TMPRSS2: variants seen among roughly 807,000 people sequenced by gnomAD.
The protein encoded by TMPRSS2 is transmembrane protease serine 2.
A neutral mutation model predicts 67.4 loss-of-function variants in TMPRSS2; 59 were observed. The ratio of observed to expected loss-of-function variants is 0.88; its 90% CI spans 0.71 to 1.09. TMPRSS2 has a LOEUF of 1.09. Ranked by LOEUF, TMPRSS2 falls within the 50% of genes least tolerant of loss-of-function variation. TMPRSS2 has a pLI of 0.00. For missense variants in TMPRSS2, 668 were observed against 642.7 expected, an observed-to-expected ratio of 1.04 and a Z score of -0.43; for synonymous variants, 257 against 257.0, an observed-to-expected ratio of 1.00 and a Z score of 0.00.
intron 7 of TMPRSS2, 91 bp downstream of exon 7, chr21:41,479,081 C>G: frequency 9.8e-7 from 1 of 1,019,512 alleles, no homozygotes; most frequent in South Asian, 1.3e-5. Flanking sequence ...AGTATTGCAG[C>G]TCAGAGAAAT....
intron 13 of TMPRSS2, among the ~76,000 whole-genome samples, chr21:41,467,242 A>G (rs1360991182): frequency 6.6e-6 from 1 of 152,168 alleles, no homozygotes; most frequent in Non-Finnish European, 1.5e-5. Flanking sequence ...TACAAAAAGT[A>G]GCTGGGCGTG....
At chr21:41,505,418 A>G (rs2091451100) in intron 1 of TMPRSS2, among the ~76,000 whole-genome samples, 1 of 152,160 alleles carries the variant, frequency 6.6e-6, no homozygotes, top group Non-Finnish European at 1.5e-5. Flanking sequence ...GGGGGACAAC[A>G]CACTCGGATG....
intron 8 of TMPRSS2, 117 bp from the exon 9 acceptor site, chr21:41,473,613 G>T (rs2091155415): frequency 2.5e-6 from 3 of 1,180,360 alleles, no homozygotes; most frequent in Middle Eastern, 2.9e-4. Context: ...GGGCACCACT[G>T]CTGGGGATGG....
chr21:41,500,773 C>A (rs966383385), intron 1 of TMPRSS2, among the ~76,000 whole-genome samples: 5 of 152,200 alleles, frequency 3.3e-5, no homozygotes, highest in African/African-American at 4.8e-5. Flanking sequence ...GTATCAAAAA[C>A]GTTTAAGCCT....
intron 5 of TMPRSS2, among the ~76,000 whole-genome samples, chr21:41,483,468 G>A (rs907885719): frequency 6.6e-6 from 1 of 152,010 alleles, no homozygotes; most frequent in African/African-American, 2.4e-5. Flanking sequence ...TTTTAGTAGA[G>A]ACGGGGTTTC....
Position 41,488,408 on chromosome 21 carries a change from T to C in TMPRSS2, c.431A>G (p.Asp144Gly), listed in dbSNP as rs757874755. 1 of 1,612,754 alleles carries C rather than the reference T, an allele frequency of 6.2e-7. No individual in the cohort carries two copies. The highest frequency in any genetic ancestry group is 8.5e-7 in the Non-Finnish European group (1 of 1,179,338). The change falls in exon 5 of 14, where the codon GAC becomes GGC. Residue 144 changes from aspartate (D) to glycine (G), a missense_variant. Physicochemically the swap from Asp to Gly is moderately conservative, Grantham distance 94. Coordinates refer to ENST00000332149, the MANE Select transcript of TMPRSS2 (RefSeq NM_005656.4). ...DGVSHCPGGE[D>G]ENRCVRLYGP... ...GGCTGACTCACCACACCGATTCTCGTCCTCCCCGCCGGGGCAGTGTGACAC... is the reference window on the plus strand; with the variant it reads ...GGCTGACTCACCACACCGATTCTCGCCCTCCCCGCCGGGGCAGTGTGACAC...
At chr21:41,489,938 A>G (rs1477343561) in intron 3 of TMPRSS2, among the ~76,000 whole-genome samples, 1 of 152,144 alleles carries the variant, frequency 6.6e-6, no homozygotes, top group Non-Finnish European at 1.5e-5. Flanking sequence ...ACTTGAGGTC[A>G]AGAGTTCAAG....
At chr21:41,503,047 A>C (rs1189055371) in intron 1 of TMPRSS2, among the ~76,000 whole-genome samples, 1 of 152,238 alleles carries the variant, frequency 6.6e-6, no homozygotes, top group African/African-American at 2.4e-5. Context: ...CAATATAAAA[A>C]TCTATGTGTT....
intron 8 of TMPRSS2, 54 bp downstream of exon 8, chr21:41,476,523 T>C (rs2091214568): frequency 2.6e-6 from 4 of 1,562,152 alleles, no homozygotes; most frequent in Non-Finnish European, 3.5e-6. Context: ...GTTCTGAAAG[T>C]AGAGAGCTTT....
chr21:41,473,280 G>A lies in TMPRSS2; in HGVS notation c.899+45C>T, dbSNP rs75168613. The A allele has an allele frequency of 8.0e-3, 12,169 of 1,529,326 alleles. 481 individuals are homozygous for A. The African/African-American group carries it at 0.11, about 14-fold the overall frequency. 94.7% of individuals were successfully genotyped at this position (1,529,326 alleles called of 1,614,324 possible). A position where few individuals can be genotyped will look rare whatever the true frequency, so the allele number is the denominator to read the frequency against. ...TGCTCAAGGTCACAGGGTGGCTGTA[G>A]GCCAGCCCTGAGCCCCCACCCGGCC... On this transcript the variant is annotated intron_variant, in intron 9 of 13. Transcript: ENST00000332149.
rs758568003 is a variant in TMPRSS2 at position 41,467,779 on chromosome 21, G to A, written c.1422C>T (p.Tyr474=). 1.7e-5 allele frequency: 27 copies of A among 1,614,052 alleles called. No individual in the cohort carries two copies. The highest frequency in any genetic ancestry group is 4.0e-5 in the African/African-American group (3 of 74,906). The change falls in exon 13 of 14, where the codon TAC becomes TAT. Residue 474 remains tyrosine (Y), a synonymous_variant. Coordinates refer to ENST00000332149, the MANE Select transcript of TMPRSS2 (RefSeq NM_005656.4). The part of the protein sequence containing the change: ...GCAKAYRPGV[Y]GNVMVFTDWI... ...AGTCCGTGAATACCATCACATTCCC[G>A]TACACTCCTGGTCTGTAAGCTTTGG...
intron 8 of TMPRSS2, among the ~76,000 whole-genome samples, chr21:41,475,584 GAGGGAGGGATGAGGGGGAGA>G (rs2091203079): frequency 3.2e-5 from 1 of 31,174 alleles, no homozygotes. Flanking sequence ...GGGGTGGGGT[GAGGGAGGGATGAGGGGGAGA>G]GTGAGGAGGT....
Position 41,471,857 on chromosome 21 carries a change from T to C in TMPRSS2, c.1024A>G (p.Lys342Glu). Reference sequence around the variant, plus strand: ...TTCATCAGCGCAATGTCATTGTTCTTGGTCTTGGAGTCATAATTTGGATGA... The same window carrying C: ...TTCATCAGCGCAATGTCATTGTTCTCGGTCTTGGAGTCATAATTTGGATGA... ...ISHPNYDSKT[K>E]NNDIALMKLQ... Residue 342 changes from lysine (K) to glutamate (E), a missense_variant, in exon 10 of 14, where the codon AAG becomes GAG. Lys to Glu is a moderately conservative substitution (Grantham distance 56). Coordinates refer to ENST00000332149, the MANE Select transcript of TMPRSS2 (RefSeq NM_005656.4). 2.5e-6 allele frequency: 4 copies of C among 1,613,298 alleles called. No individual in the cohort carries two copies. The highest frequency in any genetic ancestry group is 2.5e-6 in the Non-Finnish European group (3 of 1,179,556).
intron 1 of TMPRSS2, among the ~76,000 whole-genome samples, chr21:41,507,457 AGACT>A (rs1258706445): frequency 1.3e-5 from 2 of 152,032 alleles, no homozygotes; most frequent in Admixed American, 6.5e-5. Context: ...TCCCTCCCCG[AGACT>A]GACTGGCCGT....
At chr21:41,498,222 C>T (rs753469173) in intron 1 of TMPRSS2, 33 bp from the exon 2 acceptor site, 13 of 1,417,356 alleles carry the variant, frequency 9.2e-6, no homozygotes, top group Non-Finnish European at 1.3e-5. Context: ...TGTAATATTT[C>T]CATACCAGTT....
intron 1 of TMPRSS2, among the ~76,000 whole-genome samples, chr21:41,506,058 G>A (rs2091455507): frequency 6.6e-6 from 1 of 152,214 alleles, no homozygotes; most frequent in Non-Finnish European, 1.5e-5. Flanking sequence ...ATCAATGTCT[G>A]TGGTTATTAT....
At chr21:41,488,666 C>T (rs3787947) in intron 4 of TMPRSS2, among the ~76,000 whole-genome samples, 153 bp from the exon 5 acceptor site, 48,359 of 152,062 alleles carry the variant, frequency 0.32, 8,359 homozygotes, top group African/African-American at 0.42. Flanking sequence ...GAGATGAAGT[C>T]TCATTCTGTC....
At chr21:41,494,845 C>T (rs998388112) in intron 2 of TMPRSS2, 20 of 440,720 alleles carry the variant, frequency 4.5e-5, no homozygotes, top group Admixed American at 3.2e-4. Context: ...CCGAGGCGGG[C>T]GGATCATGAG....
intron 3 of TMPRSS2, among the ~76,000 whole-genome samples, chr21:41,491,821 G>C (rs921530535): frequency 6.6e-6 from 1 of 152,210 alleles, no homozygotes; most frequent in Non-Finnish European, 1.5e-5. Context: ...TCTGTAGTCA[G>C]CGCGTGGTCA....
Sources: allele counts gnomAD v4.1 joint callset (sites outside exome capture counted in the v4.1 genomes callset), GRCh38; gene constraint gnomAD v4.1.1; transcripts MANE v1.5; gene names NCBI Gene and HGNC (gene_info 2026-07-23, HGNC 2026-07-21).